ZFAT: variants seen among roughly 807,000 people sequenced by gnomAD.
ZFAT encodes the protein zinc finger protein ZFAT.
ZFAT carries 64 observed loss-of-function variants against 117.7 expected under a neutral mutation model. The ratio of observed to expected loss-of-function variants is 0.54; its 90% CI spans 0.44 to 0.67. The LOEUF is 0.67. Ranked by LOEUF, ZFAT falls within the 30% of genes least tolerant of loss-of-function variation. ZFAT has a pLI of 0.00. For missense variants in ZFAT, 1,433 were observed against 1,584.5 expected, an observed-to-expected ratio of 0.90 and a Z score of 1.62; for synonymous variants, 679 against 615.0, an observed-to-expected ratio of 1.10 and a Z score of -1.54.
At chr8:134,639,724 G>A in intron 2 of ZFAT, 2 of 456,216 alleles carry the variant, frequency 4.4e-6, no homozygotes. Flanking sequence ...TACTGAAGCA[G>A]CAATTCATAT....
At chr8:134,794,643 C>T in the ZFAT span, 1 of 152,204 alleles carries the variant, frequency 6.6e-6, no homozygotes, top group Non-Finnish European at 1.5e-5. Context: ...TGAAATAATA[C>T]AGACTATTTA....
chr8:134,741,344 C>A, the ZFAT span, among the ~76,000 whole-genome samples: 19 of 152,274 alleles, frequency 1.2e-4, no homozygotes, highest in African/African-American at 4.1e-4. Context: ...GGCTCTCCAA[C>A]AACCTTCTGG....
At chr8:134,730,099 T>G in the ZFAT span, among the ~76,000 whole-genome samples, 68 of 152,302 alleles carry the variant, frequency 4.5e-4, no homozygotes, top group Non-Finnish European at 8.4e-4. Context: ...CTGCTCCCAC[T>G]TGTGTCAGGG....
chr8:134,582,089 A>T (rs897943073), intron 10 of ZFAT, among the ~76,000 whole-genome samples: 1 of 152,222 alleles, frequency 6.6e-6, no homozygotes, highest in Non-Finnish European at 1.5e-5. Flanking sequence ...ACAACAAGAC[A>T]TCTTTGTCCA....
intron 3 of ZFAT, among the ~76,000 whole-genome samples, chr8:134,618,485 G>A (rs1828894001): frequency 6.6e-6 from 1 of 152,098 alleles, no homozygotes; most frequent in African/African-American, 2.4e-5. Context: ...GGAGGGCCAG[G>A]TCAACGTTGG....
At chr8:134,678,032 T>G (rs1315707285) in intron 1 of ZFAT, among the ~76,000 whole-genome samples, 1 of 152,164 alleles carries the variant, frequency 6.6e-6, no homozygotes, top group Non-Finnish European at 1.5e-5. Flanking sequence ...CTTTGAAAAC[T>G]GGCACAAGAC....
chr8:134,660,892 G>T (rs1177412118), intron 1 of ZFAT, among the ~76,000 whole-genome samples: 3 of 152,238 alleles, frequency 2.0e-5, no homozygotes, highest in Non-Finnish European at 4.4e-5. Context: ...CCACCTGAAG[G>T]CCTGAGGACC....
the ZFAT span, among the ~76,000 whole-genome samples, chr8:134,748,331 AT>A: frequency 6.6e-6 from 1 of 152,130 alleles, no homozygotes; most frequent in Non-Finnish European, 1.5e-5. Flanking sequence ...AACTGTGTGT[AT>A]TTGTTTTACA....
the ZFAT span, among the ~76,000 whole-genome samples, chr8:134,832,090 G>T: frequency 3.6e-5 from 5 of 140,676 alleles, no homozygotes; most frequent in African/African-American, 1.3e-4. Flanking sequence ...TGGAGCGGCC[G>T]GGGGAGAGGG....
chr8:134,565,645 C>T (rs1452041863), intron 10 of ZFAT: 2 of 647,254 alleles, frequency 3.1e-6, no homozygotes, highest in Non-Finnish European at 5.5e-6. Context: ...GCACAGCCAG[C>T]TCCACCTGGG....
At chr8:134,518,537 G>A (rs1820407256) in intron 13 of ZFAT, among the ~76,000 whole-genome samples, 1 of 152,018 alleles carries the variant, frequency 6.6e-6, no homozygotes, top group Admixed American at 6.6e-5. Flanking sequence ...GGCTGATCAT[G>A]TTTTCAGATA....
At chr8:134,770,248 C>T in the ZFAT span, among the ~76,000 whole-genome samples, 60 of 152,204 alleles carry the variant, frequency 3.9e-4, no homozygotes, top group African/African-American at 1.3e-3. Context: ...TTCTACTTCC[C>T]TCATAAAACT....
the ZFAT span, chr8:134,795,511 GA>G: frequency 6.6e-6 from 1 of 152,198 alleles, no homozygotes; most frequent in African/African-American, 2.4e-5. Context: ...TACAAAATGT[GA>G]AAACTCAAAG....
the ZFAT span, among the ~76,000 whole-genome samples, chr8:134,805,224 A>T: frequency 6.6e-6 from 1 of 150,444 alleles, no homozygotes; most frequent in Non-Finnish European, 1.5e-5. Context: ...ATGAGGATAC[A>T]TTTTTCCAAC....
intron 1 of ZFAT, among the ~76,000 whole-genome samples, chr8:134,707,115 C>CTCAT (rs976950904): frequency 2.0e-5 from 3 of 152,150 alleles, no homozygotes; most frequent in African/African-American, 7.2e-5. Context: ...ACCTGTGTCA[C>CTCAT]TGTACCAGCT....
the ZFAT span, among the ~76,000 whole-genome samples, chr8:134,764,490 C>T: frequency 6.6e-6 from 1 of 152,284 alleles, no homozygotes; most frequent in East Asian, 1.9e-4. Flanking sequence ...CTTAACTATG[C>T]AAATACAGTA....
chr8:134,729,584 C>T, the ZFAT span, among the ~76,000 whole-genome samples: 4 of 152,304 alleles, frequency 2.6e-5, no homozygotes, highest in Admixed American at 6.5e-5. Context: ...CCACCCACCT[C>T]GGCCTCACCT....
the ZFAT span, among the ~76,000 whole-genome samples, chr8:134,736,725 A>G: frequency 3.9e-5 from 6 of 152,054 alleles, no homozygotes; most frequent in Non-Finnish European, 8.8e-5. Context: ...CCTCCTGAGT[A>G]GTGGGGTGCG....
the ZFAT span, among the ~76,000 whole-genome samples, chr8:134,808,994 G>A: frequency 6.6e-6 from 1 of 152,144 alleles, no homozygotes; most frequent in African/African-American, 2.4e-5. Flanking sequence ...CCCTACTTCT[G>A]TCACCTCTAA....
Sources: gnomAD v4.1 joint callset for allele counts (sites outside exome capture counted in the v4.1 genomes callset) on GRCh38, gnomAD v4.1.1 for gene constraint, MANE v1.5 for transcripts, NCBI Gene and HGNC (gene_info 2026-07-23, HGNC 2026-07-21) for gene names.